Variants in ZNF141 observed in about 807,000 individuals in gnomAD.
ZNF141 encodes zinc finger protein 141.
In ZNF141, 7 loss-of-function variants were observed where a neutral mutation model predicts 11.3. That is an observed-to-expected ratio of 0.62 (90% CI 0.35 to 1.16). The LOEUF (loss-of-function observed/expected upper bound fraction) is 1.16, where lower values mean the gene tolerates loss of function less well. ZNF141 is among the 50% of genes most tolerant of loss of function. The probability of loss-of-function intolerance (pLI) is 0.02; values close to 1 mark genes in which losing one functional copy is unlikely to be tolerated. For synonymous variants in ZNF141, 183 were observed against 190.7 expected, an observed-to-expected ratio of 0.96 and a Z score of 0.33; for missense variants, 535 against 554.0, an observed-to-expected ratio of 0.97 and a Z score of 0.34.
intron 1 of ZNF141, among the ~76,000 whole-genome samples, chr4:339,738 A>C (rs1258421863): frequency 6.6e-6 from 1 of 152,198 alleles, no homozygotes; most frequent in Non-Finnish European, 1.5e-5. Context: ...AATTGTCTTT[A>C]GGACATGGAA....
intron 3 of ZNF141, among the ~76,000 whole-genome samples, chr4:348,189 G>C (rs1415693994): frequency 5.3e-5 from 8 of 152,094 alleles, no homozygotes; most frequent in African/African-American, 1.9e-4. Flanking sequence ...TTTCTATTTT[G>C]TAGGGTTTTT....
At chr4:371,782 C>T (rs1054705368) in intron 3 of ZNF141, among the ~76,000 whole-genome samples, 24 of 144,340 alleles carry the variant, frequency 1.7e-4, no homozygotes, top group Admixed American at 4.1e-4. Context: ...CCTCGTGATC[C>T]ACCCGCCTCA....
rs1255991563 is a variant in ZNF141 at position 381,822 on chromosome 4, C to G, written c.*7960C>G. Reference sequence around the variant, plus strand: ...TCACAGATTTTTACCCTAGTCCAGCCTATCCACCTACCACAGAAAGTAGCT... The same window carrying G: ...TCACAGATTTTTACCCTAGTCCAGCGTATCCACCTACCACAGAAAGTAGCT... On this transcript the variant is annotated 3_prime_UTR_variant, in exon 4 of 4. Transcript: ENST00000240499. Among the ~76,000 whole-genome samples the G allele has an allele frequency of 6.6e-6, 1 of 152,054 alleles. No homozygotes were observed. The highest frequency in any genetic ancestry group is 1.5e-5 in the Non-Finnish European group (1 of 68,026).
At chr4:363,561 C>T (rs564433341) in intron 3 of ZNF141, among the ~76,000 whole-genome samples, 53 of 152,092 alleles carry the variant, frequency 3.5e-4, no homozygotes, top group Non-Finnish European at 7.5e-4. Context: ...TGGAGACCAT[C>T]CTGGCTAACA....
Position 373,772 on chromosome 4 carries a change from T to C in ZNF141, c.1335T>C (p.His445=). The C allele has an allele frequency of 1.2e-6, 2 of 1,614,176 alleles. No individual in the cohort carries two copies. Among genetic ancestry groups the C allele is most frequent in the East Asian group, 2.2e-5 (1 of 44,888 alleles). The change falls in exon 4 of 4, where the codon CAT becomes CAC. Residue 445 remains histidine (H), a synonymous_variant. Transcript: ENST00000240499. ...FSLLSQHKKI[H]TVDKPYKCKD... is the part of the protein sequence containing the mutation. ...TCCTGAGTCAACATAAGAAAATTCA[T>C]ACTGTAGATAAACCCTACAAATGTA...
chr4:383,344 A>C lies in ZNF141; in HGVS notation c.*9482A>C. 1.8e-6 allele frequency: 1 copy of C among 570,168 alleles called. No homozygotes were observed. Among genetic ancestry groups the C allele is most frequent in the Non-Finnish European group, 3.1e-6 (1 of 323,730 alleles). 35.3% of individuals were successfully genotyped at this position (570,168 alleles called of 1,614,324 possible). A position where few individuals can be genotyped will look rare whatever the true frequency, so the allele number is the denominator to read the frequency against. On this transcript the variant is annotated 3_prime_UTR_variant, in exon 4 of 4. Transcript: ENST00000240499. ...GTTTCGGGATTGTTATGCAGTTATAAGTTAGTAATATATACACCCATTAAA... is the reference window on the plus strand; with the variant it reads ...GTTTCGGGATTGTTATGCAGTTATACGTTAGTAATATATACACCCATTAAA...
rs996489739 is a variant in ZNF141 at position 337,853 on chromosome 4, C to G, written c.-131C>G. 2.4e-6 allele frequency: 3 copies of G among 1,263,584 alleles called. No homozygotes were observed. Among genetic ancestry groups the G allele is most frequent in the Non-Finnish European group, 3.4e-6 (3 of 877,792 alleles). 78.3% of individuals were successfully genotyped at this position (1,263,584 alleles called of 1,614,324 possible). ...CTACTACCAGACCGCGGGTTAGGGG[C>G]TTCATCTCTCTGCGTTCTCAGTTGT... is the stretch of plus-strand genomic sequence containing the variant. On this transcript the variant is annotated 5_prime_UTR_variant, in exon 1 of 4. Coordinates refer to ENST00000240499, the MANE Select transcript of ZNF141 (RefSeq NM_003441.4).
At position 374,013 on chromosome 4, in the gene ZNF141, A is replaced by G; in HGVS notation, c.*151A>G. ...CTCATTCTCAAACCTTGATAAACATAAGAGAATTCATACCGGAGAGAAACT... is the reference window on the plus strand; with the variant it reads ...CTCATTCTCAAACCTTGATAAACATGAGAGAATTCATACCGGAGAGAAACT... On this transcript the variant is annotated 3_prime_UTR_variant, in exon 4 of 4. Transcript: ENST00000240499. 1 of 727,032 alleles carries G rather than the reference A, an allele frequency of 1.4e-6. No homozygotes were observed. 45.0% of individuals were successfully genotyped at this position (727,032 alleles called of 1,614,324 possible). A position where few individuals can be genotyped will look rare whatever the true frequency, so the allele number is the denominator to read the frequency against.
intron 3 of ZNF141, among the ~76,000 whole-genome samples, chr4:346,122 GTTCT>G (rs1560182309): frequency 1.3e-5 from 2 of 152,144 alleles, no homozygotes; most frequent in Non-Finnish European, 2.9e-5. Context: ...TTGTTGATAG[GTTCT>G]TGGAAACTGA....
Position 356,092 on chromosome 4 carries a change from G to A in ZNF141, c.226+11662G>A, listed in dbSNP as rs549021239. On this transcript the variant is annotated intron_variant, in intron 3 of 3. Coordinates refer to ENST00000240499, the MANE Select transcript of ZNF141 (RefSeq NM_003441.4). The stretch of plus-strand genomic sequence containing the variant: ...CTAAAATGACAAAAACTAGCCGGGT[G>A]CGGTGGCGGCTGCCTGTAATCCCAG... 5.9e-5 allele frequency among the ~76,000 whole-genome samples: 9 copies of A among 151,822 alleles called. No individual in the cohort carries two copies. In the East Asian group the frequency reaches 1.8e-3, roughly 30 times the overall value.
chr4:341,948 G>T (rs1721070550), intron 1 of ZNF141, among the ~76,000 whole-genome samples: 1 of 152,160 alleles, frequency 6.6e-6, no homozygotes, highest in Non-Finnish European at 1.5e-5. Context: ...CAGTTTCAGT[G>T]GCTTTTTCTT....
intron 3 of ZNF141, among the ~76,000 whole-genome samples, chr4:349,530 G>A (rs1553850112): frequency 6.6e-6 from 1 of 152,130 alleles, no homozygotes; most frequent in East Asian, 1.9e-4. Flanking sequence ...AGGCAGGCCT[G>A]CAAGTCTTGT....
At chr4:369,751 TATATATATATA>T (rs1711942359) in intron 3 of ZNF141, among the ~76,000 whole-genome samples, 2 of 42,852 alleles carry the variant, frequency 4.7e-5, no homozygotes, top group African/African-American at 8.9e-5. Context: ...TATATATATA[TATATATATATA>T]TATTTTTTTT....
chr4:350,048 A>G (rs1378461545), intron 3 of ZNF141: 2 of 480,764 alleles, frequency 4.2e-6, no homozygotes, highest in African/African-American at 2.0e-5. Flanking sequence ...GCCTGCCTCC[A>G]GGGCCATGGC....
intron 3 of ZNF141, among the ~76,000 whole-genome samples, chr4:345,660 G>A (rs1247654385): frequency 5.3e-5 from 8 of 150,336 alleles, no homozygotes; most frequent in African/African-American, 1.2e-4. Context: ...CCCAGGAGAC[G>A]GAGGTTGCGG....
chr4:373,972 T>C lies in ZNF141; in HGVS notation c.*110T>C, dbSNP rs1553854197. On this transcript the variant is annotated 3_prime_UTR_variant, in exon 4 of 4. Transcript: ENST00000240499. The stretch of plus-strand genomic sequence containing the variant: ...AGAAACCCTGGAAATGTGAAGAACG[T>C]GGCAAAGTTCTTTACCTCATTCTCA... 2 of 1,009,290 alleles carry C rather than the reference T, an allele frequency of 2.0e-6. No individual in the cohort carries two copies. The highest frequency in any genetic ancestry group is 1.6e-5 in the African/African-American group (1 of 61,856). The allele number at this position is 1,009,290 out of a possible 1,614,324, so 62.5% of individuals were successfully genotyped here.
At position 349,646 on chromosome 4, in the gene ZNF141, G is replaced by A. The variant is rs145834355; in HGVS notation, c.226+5216G>A. Reference sequence around the variant, plus strand: ...AAGATCTCCTTTTGTTGAGTCCCAGGCTGATGAGATTACCTCTGGGGTTGC... The same window carrying A: ...AAGATCTCCTTTTGTTGAGTCCCAGACTGATGAGATTACCTCTGGGGTTGC... On this transcript the variant is annotated intron_variant, in intron 3 of 3. Coordinates refer to ENST00000240499, the MANE Select transcript of ZNF141 (RefSeq NM_003441.4). 3.7e-4 allele frequency among the ~76,000 whole-genome samples: 57 copies of A among 152,278 alleles called. No homozygotes were observed. The East Asian group carries it at 8.9e-3, about 24-fold the overall frequency.
Position 382,469 on chromosome 4 carries a change from TAGTC to T in ZNF141, c.*8609_*8612del, listed in dbSNP as rs1194246672. On this transcript the variant is annotated 3_prime_UTR_variant, in exon 4 of 4. Transcript: ENST00000240499. ...CTTTGTCTATATTAAAAATCATAAA[TAGTC>T]AACAAATGCAAAAAATGCAAAGAAT... Among the ~76,000 whole-genome samples, 1 of 152,176 alleles carries T rather than the reference TAGTC, an allele frequency of 6.6e-6. No individual in the cohort carries two copies. The highest frequency in any genetic ancestry group is 1.5e-5 in the Non-Finnish European group (1 of 68,028).
In ZNF141 at chr4:377,125, G is replaced by T. The variant is rs1712408301; in HGVS notation, c.*3263G>T. ...TTAATTTAAGAACCCTATATAAGCT[G>T]TTTTCTTTAGTTATTGTTCCTTTCA... On this transcript the variant is annotated 3_prime_UTR_variant, in exon 4 of 4. Transcript: ENST00000240499. 6.6e-6 allele frequency among the ~76,000 whole-genome samples: 1 copy of T among 152,088 alleles called. No homozygotes were observed. Among genetic ancestry groups the T allele is most frequent in the South Asian group, 2.1e-4 (1 of 4,830 alleles).
Sources: gnomAD v4.1 joint callset for allele counts (sites outside exome capture counted in the v4.1 genomes callset) on GRCh38, gnomAD v4.1.1 for gene constraint, MANE v1.5 for transcripts, NCBI Gene and HGNC (gene_info 2026-07-23, HGNC 2026-07-21) for gene names.